The following TRPA1 variants were observed in gnomAD, a reference collection of about 807,000 sequenced individuals.
TRPA1 encodes the protein ankyrin-like with transmembrane domains 1.
Under a neutral mutation model 131.3 loss-of-function variants are expected in TRPA1, and 129 were observed. The observed-to-expected ratio is 0.98, with a 90% CI of 0.85 to 1.14. The LOEUF is 1.14. TRPA1 is among the 50% of genes most tolerant of loss of function. The probability of loss-of-function intolerance (pLI) is 0.00; values close to 1 mark genes in which losing one functional copy is unlikely to be tolerated. For missense variants in TRPA1, 1,304 were observed against 1,354.2 expected (o/e 0.96, Z 0.58); for synonymous variants, 441 against 451.7 (o/e 0.98, Z 0.30).
the TRPA1 span, among the ~76,000 whole-genome samples, chr8:72,088,794 GA>G: frequency 8.3e-3 from 1,270 of 152,182 alleles, 12 homozygotes; most frequent in African/African-American, 0.03. Context: ...TTGTTATAGA[GA>G]AACCTAAGCA....
chr8:72,050,287 G>A (rs187872694), intron 15 of TRPA1, among the ~76,000 whole-genome samples: 28 of 152,270 alleles, frequency 1.8e-4, no homozygotes, highest in African/African-American at 6.7e-4. Context: ...CCATCCATGG[G>A]AAGCAGCTGG....
intron 7 of TRPA1, among the ~76,000 whole-genome samples, chr8:72,060,751 A>T (rs1805788444): frequency 2.0e-5 from 3 of 152,146 alleles, no homozygotes; most frequent in Admixed American, 2.0e-4. Context: ...TTTAGGTTGC[A>T]AATTCATTCT....
Position 72,022,693 on chromosome 8 carries a change from A to G in TRPA1, c.*213T>C. The G allele has an allele frequency of 1.6e-6, 1 of 614,260 alleles. No individual in the cohort carries two copies. The highest frequency in any genetic ancestry group is 1.9e-5 in the South Asian group (1 of 52,180). 38.1% of individuals were successfully genotyped at this position (614,260 alleles called of 1,614,324 possible). A position where few individuals can be genotyped will look rare whatever the true frequency, so the allele number is the denominator to read the frequency against. On this transcript the variant is annotated 3_prime_UTR_variant, in exon 27 of 27. Transcript: ENST00000262209. The stretch of plus-strand genomic sequence containing the variant: ...CTCATCAAAGTCCAGTCCAATTTGA[A>G]CATATCTGCAAAGATATCCCCAATA...
intron 13 of TRPA1, 55 bp downstream of exon 13, chr8:72,053,698 T>C: frequency 7.6e-7 from 1 of 1,316,858 alleles, no homozygotes; most frequent in Non-Finnish European, 1.1e-6. Context: ...CTGGCAATGT[T>C]GGAAGTTTCT....
Position 72,029,903 on chromosome 8 carries a change from G to T in TRPA1, c.2935C>A (p.Gln979Lys). ...KHASLKRIAM[Q>K]VELHTSLEKK... is the part of the protein sequence containing the mutation. ...AAGTGGGGAGGCACTGCACTTACCTGCATAGCTATCCTCTTCAATGATGCA... is the reference window on the plus strand; with the variant it reads ...AAGTGGGGAGGCACTGCACTTACCTTCATAGCTATCCTCTTCAATGATGCA... The change falls in exon 24 of 27, where the codon CAG becomes AAG. Residue 979 changes from glutamine (Q) to lysine (K), a missense_variant and splice_region_variant. Coordinates refer to ENST00000262209, the MANE Select transcript of TRPA1 (RefSeq NM_007332.3). The T allele has an allele frequency of 6.2e-7, 1 of 1,613,766 alleles. No individual in the cohort carries two copies. The highest frequency in any genetic ancestry group is 8.5e-7 in the Non-Finnish European group (1 of 1,179,714).
chr8:72,059,479 T>C (rs770388464), intron 7 of TRPA1, 41 bp from the exon 8 acceptor site: 12 of 1,218,906 alleles, frequency 9.8e-6, no homozygotes, highest in Non-Finnish European at 1.4e-5. Context: ...TAAAGTACTA[T>C]TGATGTAAAT....
chr8:72,060,771 T>A (rs1805788880), intron 7 of TRPA1, among the ~76,000 whole-genome samples: 1 of 152,088 alleles, frequency 6.6e-6, no homozygotes, highest in Non-Finnish European at 1.5e-5. Flanking sequence ...TAAGAGGGAG[T>A]TCCTTTCCAT....
intron 15 of TRPA1, among the ~76,000 whole-genome samples, chr8:72,049,626 T>C (rs1477000212): frequency 6.6e-6 from 1 of 152,192 alleles, no homozygotes; most frequent in Non-Finnish European, 1.5e-5. Context: ...TTGTGCATGT[T>C]TGTCTTGTCT....
chr8:72,049,113 T>TA (rs889226859), intron 15 of TRPA1, among the ~76,000 whole-genome samples: 14 of 151,680 alleles, frequency 9.2e-5, no homozygotes, highest in Non-Finnish European at 7.4e-5. Context: ...TTAGGCATCA[T>TA]AAAAAAACCG....
intron 14 of TRPA1, 95 bp from the exon 15 acceptor site, chr8:72,050,966 A>G (rs1585868479): frequency 1.1e-6 from 1 of 899,632 alleles, no homozygotes; most frequent in East Asian, 2.5e-5. Context: ...GGGGAAACCT[A>G]AACTTAAGCA....
intron 8 of TRPA1, among the ~76,000 whole-genome samples, chr8:72,059,109 A>G (rs1805744189): frequency 6.6e-6 from 1 of 152,214 alleles, no homozygotes; most frequent in Non-Finnish European, 1.5e-5. Flanking sequence ...AGGCCATGGG[A>G]ACAGCTTTCC....
rs1223581458 is a variant in TRPA1, at chr8:72,021,977, T to C, written c.*929A>G. The C allele has an allele frequency of 6.6e-6, 1 of 152,170 alleles. No individual in the cohort carries two copies. Among genetic ancestry groups the C allele is most frequent in the Non-Finnish European group, 1.5e-5 (1 of 68,050 alleles). 9.4% of individuals were successfully genotyped at this position (152,170 alleles called of 1,614,324 possible). ...GGACACATACATAGCCAAAGACATA[T>C]TCATTACAGTGAATATCTCCTGGGG... On this transcript the variant is annotated 3_prime_UTR_variant, in exon 27 of 27. Transcript: ENST00000262209.
At chr8:72,052,965 CTGTG>C (rs57129422) in intron 13 of TRPA1, 200 bp from the exon 14 acceptor site, 26,683 of 321,748 alleles carry the variant, frequency 0.083, 1,004 homozygotes, top group Middle Eastern at 0.12. Context: ...GGAAGTGGAT[CTGTG>C]TGTGTGTGTG....
chr8:72,057,107 A>G (rs1035875684), intron 9 of TRPA1, 90 bp from the exon 10 acceptor site: 4 of 1,007,696 alleles, frequency 4.0e-6, no homozygotes, highest in Non-Finnish European at 5.9e-6. Context: ...AAAAAATTTG[A>G]CTAAAAATAT....
chr8:72,039,855 A>G (rs923291358), intron 17 of TRPA1, 58 bp from the exon 18 acceptor site: 3 of 1,095,722 alleles, frequency 2.7e-6, no homozygotes, highest in Non-Finnish European at 4.2e-6. Context: ...CTGAGTATAA[A>G]CTAATCTATT....
At chr8:72,085,458 CAAT>C in the TRPA1 span, among the ~76,000 whole-genome samples, 142 of 152,032 alleles carry the variant, frequency 9.3e-4, 2 homozygotes, top group East Asian at 0.027. Context: ...ATGTTCATAA[CAAT>C]GGTGGTAAAT....
intron 5 of TRPA1, 99 bp downstream of exon 5, chr8:72,063,364 A>C (rs1805852708): frequency 1.2e-6 from 1 of 813,910 alleles, no homozygotes; most frequent in Admixed American, 2.1e-5. Context: ...TGGGTGACAG[A>C]GTGAGACTCC....
the TRPA1 span, among the ~76,000 whole-genome samples, chr8:72,082,066 G>A: frequency 1.3e-5 from 2 of 151,754 alleles, no homozygotes; most frequent in East Asian, 3.9e-4. Context: ...TTTCTCTACT[G>A]CCTTCTTTTG....
chr8:72,059,649 ACAT>A (rs1349993586), intron 7 of TRPA1, among the ~76,000 whole-genome samples: 2 of 152,206 alleles, frequency 1.3e-5, no homozygotes, highest in African/African-American at 4.8e-5. Flanking sequence ...AACACCAAAT[ACAT>A]CATATTTTCT....
Sources: gnomAD v4.1 joint callset for allele counts (sites outside exome capture counted in the v4.1 genomes callset) on GRCh38, gnomAD v4.1.1 for gene constraint, MANE v1.5 for transcripts, NCBI Gene and HGNC (gene_info 2026-07-23, HGNC 2026-07-21) for gene names.